Variants in CADPS observed in about 807,000 individuals in gnomAD.
CADPS encodes the protein calcium dependent secretion activator.
A neutral mutation model predicts 167.3 loss-of-function variants in CADPS; 57 were observed. The ratio of observed to expected loss-of-function variants is 0.34; its 90% CI spans 0.28 to 0.42. The LOEUF is 0.42. CADPS is among the 20% of genes least tolerant of loss of function. CADPS has a pLI of 1.00. For missense variants in CADPS, 1,414 were observed against 1,738.1 expected, an observed-to-expected ratio of 0.81 and a Z score of 3.32; for synonymous variants, 676 against 635.3, an observed-to-expected ratio of 1.06 and a Z score of -0.96.
rs1285058695 is a variant in CADPS, at chr3:62,522,148, TCTAA to T, written c.2292-3902_2292-3899del. ...ATCTATCTATCTATCTATCTATCTA[TCTAA>T]CTATTGAGACAGGGTCTCATTCAGC... is the stretch of plus-strand genomic sequence containing the variant. On this transcript the variant is annotated intron_variant, in intron 13 of 29. Coordinates refer to ENST00000383710, the MANE Select transcript of CADPS (RefSeq NM_003716.4). Among the ~76,000 whole-genome samples, 166 of 143,828 alleles carry T rather than the reference TCTAA, an allele frequency of 1.2e-3. 1 individual carries two copies. Among genetic ancestry groups the T allele is most frequent in the African/African-American group, 3.9e-3 (151 of 38,594 alleles). 94.4% of individuals were successfully genotyped at this position (143,828 alleles called of 152,430 possible). A position where few individuals can be genotyped will look rare whatever the true frequency, so the allele number is the denominator to read the frequency against.
At chr3:62,667,176 T>C (rs2074608345) in intron 3 of CADPS, among the ~76,000 whole-genome samples, 1 of 152,002 alleles carries the variant, frequency 6.6e-6, no homozygotes, top group Admixed American at 6.6e-5. Context: ...AGTCAGATGA[T>C]ATACATTCAA....
intron 1 of CADPS, among the ~76,000 whole-genome samples, chr3:62,844,797 G>A (rs2077152765): frequency 6.6e-6 from 1 of 152,142 alleles, no homozygotes; most frequent in Admixed American, 6.5e-5. Flanking sequence ...AAAGTGACAG[G>A]CCCATTTTCA....
At chr3:62,531,499 A>G (rs2073677057) in intron 13 of CADPS, among the ~76,000 whole-genome samples, 1 of 152,208 alleles carries the variant, frequency 6.6e-6, no homozygotes, top group South Asian at 2.1e-4. Context: ...TTTCGTAAAA[A>G]TACATCAGTG....
chr3:62,641,392 A>G (rs1037278021), intron 6 of CADPS, among the ~76,000 whole-genome samples: 3 of 152,188 alleles, frequency 2.0e-5, no homozygotes, highest in African/African-American at 4.8e-5. Context: ...ATTTTCTGGT[A>G]TTACTTAACA....
At chr3:62,618,501 A>C (rs77430086) in intron 6 of CADPS, among the ~76,000 whole-genome samples, 6,261 of 152,272 alleles carry the variant, frequency 0.041, 171 homozygotes, top group Middle Eastern at 0.075. Flanking sequence ...TTATAATAAA[A>C]GTTAAAATAA....
At chr3:62,570,783 T>C in intron 9 of CADPS, 89 bp downstream of exon 9, 1 of 862,188 alleles carries the variant, frequency 1.2e-6, no homozygotes, top group Non-Finnish European at 2.0e-6. Context: ...GAGCTCTGTG[T>C]ATTTAAGTTA....
At position 62,465,535 on chromosome 3, in the gene CADPS, G is replaced by T. The variant is rs1262245074; in HGVS notation, c.3553-85C>A. On this transcript the variant is annotated intron_variant, in intron 25 of 29. Coordinates refer to ENST00000383710, the MANE Select transcript of CADPS (RefSeq NM_003716.4). This position sits in a 1 kb window ranked among gnomAD's most constrained non-coding sequence, Gnocchi z 4.1. ...GCACATCATTTCCCCACCACATAAA[G>T]GCTGGGATCGAGCCCTCCGTTCATT... 2 of 900,662 alleles carry T rather than the reference G, an allele frequency of 2.2e-6. No individual in the cohort carries two copies. Among genetic ancestry groups the T allele is most frequent in the South Asian group, 1.8e-5 (1 of 54,494 alleles). 55.8% of individuals were successfully genotyped at this position (900,662 alleles called of 1,614,324 possible).
Position 62,601,228 on chromosome 3 carries a change from A to T in CADPS, c.1326-8480T>A, listed in dbSNP as rs79535168. Among the ~76,000 whole-genome samples, 1 of 152,276 alleles carries T rather than the reference A, an allele frequency of 6.6e-6. No homozygotes were observed. The highest frequency in any genetic ancestry group is 1.9e-4 in the East Asian group (1 of 5,162). ...TTTGCAACACATGAATATTATATGA[A>T]ATTCAAATTTTGATGCCCATCAATA... On this transcript the variant is annotated intron_variant, in intron 6 of 29. Coordinates refer to ENST00000383710, the MANE Select transcript of CADPS (RefSeq NM_003716.4). The surrounding 1 kb of genome is among the most constrained non-coding windows in gnomAD (Gnocchi z 4.3).
chr3:62,549,860 TTACTC>T (rs745539386), intron 11 of CADPS, 38 bp downstream of exon 11: 170 of 1,481,046 alleles, frequency 1.1e-4, no homozygotes, highest in Admixed American at 3.5e-4. Context: ...AAGGTTTACT[TTACTC>T]TACAGAGCTA....
chr3:62,518,092 A>T, intron 14 of CADPS, 57 bp downstream of exon 14: 1 of 1,167,274 alleles, frequency 8.6e-7, no homozygotes, highest in Non-Finnish European at 1.3e-6. Context: ...TAAGTCCTTT[A>T]GTTTTCCCTT....
At position 62,706,313 on chromosome 3, in the gene CADPS, C is replaced by G. The variant is rs180961810; in HGVS notation, c.889-43919G>C. Among the ~76,000 whole-genome samples, 147 of 152,248 alleles carry G rather than the reference C, an allele frequency of 9.7e-4. 1 individual carries two copies. Among genetic ancestry groups the G allele is most frequent in the Middle Eastern group, 6.8e-3 (2 of 294 alleles). ...ATAATTTGTGATTGTATATTTCTTTCTTTACACATGTATTGCCTTTGTCCC... is the reference window on the plus strand; with the variant it reads ...ATAATTTGTGATTGTATATTTCTTTGTTTACACATGTATTGCCTTTGTCCC... On this transcript the variant is annotated intron_variant, in intron 3 of 29. Transcript: ENST00000383710.
intron 9 of CADPS, among the ~76,000 whole-genome samples, chr3:62,560,123 A>G (rs1372608910): frequency 6.6e-6 from 1 of 152,032 alleles, no homozygotes. Context: ...GTTTATTGGG[A>G]GCATCTTGAT....
In CADPS at chr3:62,520,466, G is replaced by T. The variant is rs565131153; in HGVS notation, c.2292-2216C>A. ...TCTGCTTCGCTGATAACCTCTCCTC[G>T]TACTACTTTCTGAACACTATTAATC... On this transcript the variant is annotated intron_variant, in intron 13 of 29. Coordinates refer to ENST00000383710, the MANE Select transcript of CADPS (RefSeq NM_003716.4). Among the ~76,000 whole-genome samples, 3 of 152,200 alleles carry T rather than the reference G, an allele frequency of 2.0e-5. No homozygotes were observed. The South Asian group carries it at 6.2e-4, about 32-fold the overall frequency.
At chr3:62,873,407 G>C (rs1289569873) in intron 1 of CADPS, among the ~76,000 whole-genome samples, 1 of 152,158 alleles carries the variant, frequency 6.6e-6, no homozygotes, top group Non-Finnish European at 1.5e-5. Context: ...GCCTCACACT[G>C]CCTCTGTGTG....
chr3:62,605,976 GC>G (rs1396378172), intron 6 of CADPS, among the ~76,000 whole-genome samples: 2 of 152,004 alleles, frequency 1.3e-5, no homozygotes, highest in African/African-American at 4.8e-5. Flanking sequence ...TTTTTTGGCA[GC>G]TATGGCAAAA....
intron 1 of CADPS, among the ~76,000 whole-genome samples, chr3:62,824,443 T>C (rs2073662025): frequency 6.6e-6 from 1 of 152,122 alleles, no homozygotes. Flanking sequence ...CCCTCCAATG[T>C]TAGAAGTCAG....
At chr3:62,815,787 C>T (rs1349693586) in intron 1 of CADPS, among the ~76,000 whole-genome samples, 1 of 152,090 alleles carries the variant, frequency 6.6e-6, no homozygotes, top group African/African-American at 2.4e-5. Flanking sequence ...CTCTCACTCT[C>T]CCTTCTCTTT....
intron 28 of CADPS, among the ~76,000 whole-genome samples, chr3:62,416,711 G>A (rs1575707925): frequency 1.3e-5 from 2 of 152,210 alleles, no homozygotes; most frequent in Middle Eastern, 6.8e-3. Context: ...CTCCAGCTAT[G>A]GTCTCTCAAA....
At chr3:62,460,452 C>T (rs144931986) in intron 26 of CADPS, among the ~76,000 whole-genome samples, 7 of 152,298 alleles carry the variant, frequency 4.6e-5, no homozygotes, top group Admixed American at 6.5e-5. Flanking sequence ...TGTAAAAAGC[C>T]GTCTCTCCTA....
Sources: gnomAD v4.1 joint callset for allele counts (sites outside exome capture counted in the v4.1 genomes callset) on GRCh38, gnomAD v4.1.1 for gene constraint, Gnocchi (gnomAD v3.1) non-coding constraint, MANE v1.5 for transcripts, NCBI Gene and HGNC (gene_info 2026-07-23, HGNC 2026-07-21) for gene names.